ZFYVE9: variants seen among roughly 807,000 people sequenced by gnomAD.
ZFYVE9 encodes the protein zinc finger FYVE domain-containing protein 9.
Under a neutral mutation model 126.7 loss-of-function variants are expected in ZFYVE9, and 43 were observed. The observed-to-expected ratio is 0.34, with a 90% CI of 0.27 to 0.44. The LOEUF is 0.44. Ranked by LOEUF, ZFYVE9 falls within the 20% of genes least tolerant of loss-of-function variation. The pLI, the probability that ZFYVE9 is intolerant of heterozygous loss-of-function variation, is 1.00. For missense variants in ZFYVE9, 1,476 were observed against 1,697.0 expected (o/e 0.87, Z 2.29); for synonymous variants, 521 against 597.4 (o/e 0.87, Z 1.87).
Position 52,237,832 on chromosome 1 carries a change from C to T in ZFYVE9, c.415C>T (p.Leu139=). 1 of 1,614,026 alleles carries T rather than the reference C, an allele frequency of 6.2e-7. No individual in the cohort carries two copies. The highest frequency in any genetic ancestry group is 8.5e-7 in the Non-Finnish European group (1 of 1,179,940). ...VEVGEKKCGN[L]ACLPDEKNVL... is the part of the protein sequence containing the mutation. ...AGTGGGAGAGAAGAAATGTGGAAAC[C>T]TGGCTTGTCTGCCAGATGAGAAGAA... The change falls in exon 4 of 19, where the codon CTG becomes TTG. Residue 139 remains leucine, a synonymous_variant. Coordinates refer to ENST00000287727, the MANE Select transcript of ZFYVE9 (RefSeq NM_004799.4).
intron 4 of ZFYVE9, among the ~76,000 whole-genome samples, chr1:52,256,463 C>A (rs979582897): frequency 6.6e-6 from 1 of 151,980 alleles, no homozygotes; most frequent in Non-Finnish European, 1.5e-5. Flanking sequence ...CCTCTGCTTC[C>A]CTTCCCAGGT....
At chr1:52,297,628 C>T (rs1645990503) in intron 12 of ZFYVE9, among the ~76,000 whole-genome samples, 1 of 151,820 alleles carries the variant, frequency 6.6e-6, no homozygotes, top group Admixed American at 6.6e-5. Flanking sequence ...TTTTCGGTTG[C>T]TTTTTGAGGA....
intron 12 of ZFYVE9, among the ~76,000 whole-genome samples, chr1:52,297,267 G>A (rs1175632704): frequency 1.3e-5 from 2 of 149,510 alleles, no homozygotes; most frequent in African/African-American, 4.9e-5. Flanking sequence ...TTTGGAGATG[G>A]AGTCTCGCTC....
At chr1:52,255,959 TTTTCTTTTCTTTCTTTC>T (rs1217148155) in intron 4 of ZFYVE9, among the ~76,000 whole-genome samples, 4 of 94,224 alleles carry the variant, frequency 4.2e-5, no homozygotes, top group African/African-American at 3.0e-4. Flanking sequence ...TTTTCTTTTC[TTTTCTTTTCTTTCTTTC>T]TTTCTTTCCT....
In ZFYVE9 at chr1:52,160,171, C is replaced by T. The variant is rs184105574; in HGVS notation, c.-143+17768C>T. ...TCTCTGGAGTAGCTGTGAAGCTCTACGAGGCTGTGAGGTTGGAGGCGCTTC... is the reference window on the plus strand; with the variant it reads ...TCTCTGGAGTAGCTGTGAAGCTCTATGAGGCTGTGAGGTTGGAGGCGCTTC... On this transcript the variant is annotated intron_variant, in intron 1 of 18. Transcript: ENST00000287727. 6.2e-4 allele frequency: 399 copies of T among 646,456 alleles called. No individual in the cohort carries two copies. In the East Asian group the frequency reaches 9.7e-3, roughly 16 times the overall value. 40.0% of individuals were successfully genotyped at this position (646,456 alleles called of 1,614,324 possible).
chr1:52,190,069 A>ATAAC (rs71579910), intron 1 of ZFYVE9: 27,646 of 171,434 alleles, frequency 0.16, 2,665 homozygotes, highest in Middle Eastern at 0.22. Flanking sequence ...TAAGCCCAGT[A>ATAAC]TAACACCCGT....
At chr1:52,294,885 G>A (rs1407547807) in intron 11 of ZFYVE9, among the ~76,000 whole-genome samples, 1 of 152,214 alleles carries the variant, frequency 6.6e-6, no homozygotes, top group East Asian at 1.9e-4. Context: ...CTCCTAAGGA[G>A]GATCCTGGTT....
At chr1:52,180,356 C>T in intron 1 of ZFYVE9, 2 of 1,555,738 alleles carry the variant, frequency 1.3e-6, no homozygotes. Context: ...AAGGAGATAT[C>T]AAGGCTCAGT....
chr1:52,166,673 G>T (rs916406678), intron 1 of ZFYVE9, among the ~76,000 whole-genome samples: 3 of 152,084 alleles, frequency 2.0e-5, no homozygotes, highest in Admixed American at 6.6e-5. Flanking sequence ...CCAGCGTGAG[G>T]AGGCCAAGGT....
chr1:52,308,002 T>G (rs990063802), intron 13 of ZFYVE9, among the ~76,000 whole-genome samples: 4 of 152,160 alleles, frequency 2.6e-5, no homozygotes, highest in Admixed American at 2.6e-4. Context: ...TCCACCCACC[T>G]TGGCCTCCCA....
intron 1 of ZFYVE9, among the ~76,000 whole-genome samples, chr1:52,211,957 A>G (rs559238055): frequency 1.3e-5 from 2 of 152,036 alleles, no homozygotes; most frequent in African/African-American, 4.8e-5. Flanking sequence ...ACCTTTCCTT[A>G]TAAGTTTATG....
At chr1:52,342,513 G>T (rs958126993) in intron 17 of ZFYVE9, among the ~76,000 whole-genome samples, 6 of 144,846 alleles carry the variant, frequency 4.1e-5, no homozygotes, top group African/African-American at 1.5e-4. Context: ...CTCGCAATCC[G>T]CCCGTCTTGG....
intron 4 of ZFYVE9, among the ~76,000 whole-genome samples, chr1:52,257,416 T>TA (rs1342265106): frequency 1.3e-5 from 2 of 152,148 alleles, no homozygotes; most frequent in African/African-American, 4.8e-5. Context: ...GTGCCACATT[T>TA]AAAAAAATTA....
intron 1 of ZFYVE9, among the ~76,000 whole-genome samples, chr1:52,182,662 T>G (rs1644722693): frequency 6.6e-6 from 1 of 152,174 alleles, no homozygotes; most frequent in Admixed American, 6.5e-5. Context: ...CTTTGTTCAC[T>G]TGTTAATCTG....
chr1:52,187,726 G>A (rs1227258203), intron 1 of ZFYVE9, among the ~76,000 whole-genome samples: 1 of 152,196 alleles, frequency 6.6e-6, no homozygotes, highest in Non-Finnish European at 1.5e-5. Context: ...GATCATTAGA[G>A]AAATGCAAAC....
chr1:52,219,092 A>G (rs1034522317), intron 2 of ZFYVE9, among the ~76,000 whole-genome samples: 1 of 152,012 alleles, frequency 6.6e-6, no homozygotes, highest in Non-Finnish European at 1.5e-5. Flanking sequence ...CTCCCCAACT[A>G]TAACATAACC....
intron 1 of ZFYVE9, among the ~76,000 whole-genome samples, chr1:52,208,458 G>T (rs931144313): frequency 6.6e-6 from 1 of 151,060 alleles, no homozygotes; most frequent in Non-Finnish European, 1.5e-5. Context: ...TGAATAGACA[G>T]CACAAAACCT....
intron 4 of ZFYVE9, among the ~76,000 whole-genome samples, chr1:52,253,102 T>A (rs536266036): frequency 6.6e-6 from 1 of 152,234 alleles, no homozygotes; most frequent in South Asian, 2.1e-4. Flanking sequence ...TGCAGTGAGC[T>A]GTGCTCACAC....
chr1:52,312,368 T>G (rs1357626829), intron 13 of ZFYVE9, among the ~76,000 whole-genome samples: 2 of 152,216 alleles, frequency 1.3e-5, no homozygotes, highest in Non-Finnish European at 2.9e-5. Flanking sequence ...TTGAGACTCA[T>G]GAGGTTATTT....
Sources: allele counts gnomAD v4.1 joint callset (sites outside exome capture counted in the v4.1 genomes callset), GRCh38; gene constraint gnomAD v4.1.1; transcripts MANE v1.5; gene names NCBI Gene and HGNC (gene_info 2026-07-23, HGNC 2026-07-21).